The following SLC35B1 variants were observed in gnomAD, a reference collection of about 807,000 sequenced individuals.
The protein encoded by SLC35B1 is solute carrier family 35 member B1.
Under a neutral mutation model 36.6 loss-of-function variants are expected in SLC35B1, and 27 were observed. That is an observed-to-expected ratio of 0.74 (90% CI 0.54 to 1.02). The LOEUF is 1.02. SLC35B1 is among the 50% of genes least tolerant of loss of function. The pLI is 0.00. For synonymous variants in SLC35B1, 162 were observed against 152.5 expected, an observed-to-expected ratio of 1.06 and a Z score of -0.46; for missense variants, 321 against 383.2, an observed-to-expected ratio of 0.84 and a Z score of 1.35.
intron 1 of SLC35B1, chr17:49,707,346 A>T: frequency 7.0e-7 from 1 of 1,430,950 alleles, no homozygotes; most frequent in Non-Finnish European, 9.2e-7. Context: ...CAGGTACCCC[A>T]GGCAGGAGGA....
chr17:49,705,768 A>G (rs2073408164), intron 4 of SLC35B1, 98 bp downstream of exon 4: 1 of 1,170,558 alleles, frequency 8.5e-7, no homozygotes, highest in Non-Finnish European at 1.3e-6. Context: ...GACAGCCATG[A>G]TGGGATGATG....
In SLC35B1 at chr17:49,705,197, G is replaced by A; in HGVS notation, c.455C>T (p.Ala152Val). Residue 152 changes from alanine (A) to valine (V), a missense_variant, in exon 5 of 9, where the codon GCC (alanine) becomes GTC (valine). Physicochemically the swap from Ala to Val is moderately conservative, Grantham distance 64. Coordinates refer to ENST00000240333, the MANE Select transcript of SLC35B1 (RefSeq NM_005827.4). ...LCVLLIVAGV[A>V]LFMYKPKKVV... ...TTTCTTGGGTTTGTACATGAAAAGG[G>A]CCACTCCAGCCACAATTAACAGCAC... 1 of 1,614,116 alleles carries A rather than the reference G, an allele frequency of 6.2e-7. No homozygotes were observed. Among genetic ancestry groups the A allele is most frequent in the Non-Finnish European group, 8.5e-7 (1 of 1,180,016 alleles).
chr17:49,707,458 AG>A, intron 1 of SLC35B1: 1 of 1,471,794 alleles, frequency 6.8e-7, no homozygotes, highest in Non-Finnish European at 9.0e-7. Flanking sequence ...TTTGAGGAAT[AG>A]AAGTCTCAGC....
chr17:49,701,370 T>C lies in SLC35B1; in HGVS notation c.*88A>G. The C allele has an allele frequency of 9.9e-7, 1 of 1,012,456 alleles. No individual in the cohort carries two copies. The highest frequency in any genetic ancestry group is 1.3e-5 in the South Asian group (1 of 76,704). 62.7% of individuals were successfully genotyped at this position (1,012,456 alleles called of 1,614,324 possible). ...TAAAAAAGACTGGAACTCAGTCCCA[T>C]ATTCCTATTAAGTCCATTTTCCCAA... On this transcript the variant is annotated 3_prime_UTR_variant, in exon 9 of 9. Transcript: ENST00000240333.
intron 1 of SLC35B1, 149 bp from the exon 2 acceptor site, chr17:49,707,217 A>G (rs1413398722): frequency 7.3e-7 from 1 of 1,365,138 alleles, no homozygotes; most frequent in African/African-American, 1.5e-5. Context: ...GCTCATTTGC[A>G]AAAGGGGCTG....
In SLC35B1 at chr17:49,701,275, C is replaced by T; in HGVS notation, c.*183G>A. On this transcript the variant is annotated 3_prime_UTR_variant, in exon 9 of 9. Transcript: ENST00000240333. ...TGCTCCAGGGCATGAAGAACAAAAA[C>T]CACCACTCTGTCTTGTTAAAATCCA... 1.7e-6 allele frequency: 1 copy of T among 574,706 alleles called. No homozygotes were observed. Among genetic ancestry groups the T allele is most frequent in the South Asian group, 2.2e-5 (1 of 46,408 alleles). 35.6% of individuals were successfully genotyped at this position (574,706 alleles called of 1,614,324 possible).
intron 8 of SLC35B1, chr17:49,701,829 C>A: frequency 2.9e-6 from 1 of 344,964 alleles, no homozygotes; most frequent in Non-Finnish European, 5.7e-6. Context: ...GTGACTCACA[C>A]CTGCAATCCC....
chr17:49,706,190 C>T lies in SLC35B1; in HGVS notation c.339+14G>A, dbSNP rs779836392. On this transcript the variant is annotated intron_variant, in intron 3 of 8. Coordinates refer to ENST00000240333, the MANE Select transcript of SLC35B1 (RefSeq NM_005827.4). The stretch of plus-strand genomic sequence containing the variant: ...GATATCTGAGCCAACCATCATCCCA[C>T]CCTGAGGTTTCACCTGAGTTGGGTA... 3 of 1,596,022 alleles carry T rather than the reference C, an allele frequency of 1.9e-6. No homozygotes were observed. The South Asian group carries it at 3.4e-5, about 18-fold the overall frequency.
intron 3 of SLC35B1, 137 bp downstream of exon 3, chr17:49,706,066 GT>G: frequency 7.5e-7 from 1 of 1,324,958 alleles, no homozygotes; most frequent in Non-Finnish European, 1.0e-6. Context: ...AAGTTCTATG[GT>G]TCTATACACT....
intron 6 of SLC35B1, 61 bp from the exon 7 acceptor site, chr17:49,703,355 C>T (rs1262906774): frequency 5.9e-6 from 5 of 841,082 alleles, no homozygotes; most frequent in Non-Finnish European, 7.9e-6. Flanking sequence ...TGCGCACACA[C>T]ACACACACAC....
chr17:49,704,175 G>C lies in SLC35B1; in HGVS notation c.580C>G (p.Arg194Gly). The change falls in exon 6 of 9, where the codon CGG (arginine) becomes GGG (glycine). Residue 194 changes from arginine to glycine, a missense_variant. Transcript: ENST00000240333. ...GLTGVSQDHM[R>G]AHYQTGSNHM... Reference sequence around the variant, plus strand: ...TTGGAGCCTGTTTGGTAATGAGCCCGCATGTGGTCCTGGGAAACACCAGTC... The same window carrying C: ...TTGGAGCCTGTTTGGTAATGAGCCCCCATGTGGTCCTGGGAAACACCAGTC... The C allele has an allele frequency of 6.2e-7, 1 of 1,614,086 alleles. No individual in the cohort carries two copies. The highest frequency in any genetic ancestry group is 8.5e-7 in the Non-Finnish European group (1 of 1,179,988).
At chr17:49,702,679 G>A (rs1028972471) in intron 8 of SLC35B1, 179 bp downstream of exon 8, 37 of 597,736 alleles carry the variant, frequency 6.2e-5, no homozygotes, top group Admixed American at 3.1e-5. Flanking sequence ...AGGCTCACCC[G>A]ATTGGTGAGC....
chr17:49,700,960 T>C lies in SLC35B1; in HGVS notation c.*498A>G, dbSNP rs1017536428. 3.3e-5 allele frequency: 5 copies of C among 153,676 alleles called. No homozygotes were observed. Among genetic ancestry groups the C allele is most frequent in the African/African-American group, 1.2e-4 (5 of 41,434 alleles). 9.5% of individuals were successfully genotyped at this position (153,676 alleles called of 1,614,324 possible). A position where few individuals can be genotyped will look rare whatever the true frequency, so the allele number is the denominator to read the frequency against. On this transcript the variant is annotated 3_prime_UTR_variant, in exon 9 of 9. Transcript: ENST00000240333. Reference sequence around the variant, plus strand: ...ACAGAACACAACTTTGTTTTTTTAATGAAATATTTGCCCACAGGAGCTTTA... The same window carrying C: ...ACAGAACACAACTTTGTTTTTTTAACGAAATATTTGCCCACAGGAGCTTTA...
intron 1 of SLC35B1, chr17:49,707,441 GGTCCTGTTTGAGGAATAGAA>G (rs1426750194): frequency 6.8e-7 from 1 of 1,461,672 alleles, no homozygotes; most frequent in Admixed American, 2.1e-5. Context: ...GGCCGACTCG[GGTCCTGTTTGAGGAATAGAA>G]GTCTCAGCCT....
chr17:49,704,306 C>A, intron 5 of SLC35B1, 80 bp from the exon 6 acceptor site: 1 of 1,548,654 alleles, frequency 6.5e-7, no homozygotes, highest in South Asian at 1.2e-5. Context: ...TTCTCACTCT[C>A]AGGCTCCTTG....
chr17:49,706,810 A>C (rs534761598), intron 2 of SLC35B1, among the ~76,000 whole-genome samples, 155 bp downstream of exon 2: 2 of 152,372 alleles, frequency 1.3e-5, no homozygotes, highest in East Asian at 3.9e-4. Context: ...CTTCAAAGTC[A>C]TTAGTTTTAC....
At position 49,702,764 on chromosome 17, in the gene SLC35B1, T is replaced by C. The variant is rs2073366942; in HGVS notation, c.916+94A>G. 58 of 1,393,886 alleles carry C rather than the reference T, an allele frequency of 4.2e-5. No homozygotes were observed. In the South Asian group the frequency reaches 7.6e-4, roughly 18 times the overall value. The allele number at this position is 1,393,886 out of a possible 1,614,324, so 86.3% of individuals were successfully genotyped here. On this transcript the variant is annotated intron_variant, in intron 8 of 8. Transcript: ENST00000240333. ...TCCGTCTCAAAAAAAAGAGAAAAGT[T>C]TTCTCTAAAATATTTAAACAAATTT...
Position 49,705,866 on chromosome 17 carries a change from C to T in SLC35B1, c.370G>A (p.Val124Ile), listed in dbSNP as rs1479809602. The T allele has an allele frequency of 6.2e-7, 1 of 1,614,028 alleles. No individual in the cohort carries two copies. The highest frequency in any genetic ancestry group is 1.3e-5 in the African/African-American group (1 of 75,020). The change falls in exon 4 of 9, where the codon GTC becomes ATC. Residue 124 changes from valine (V) to isoleucine (I), a missense_variant and splice_region_variant. Physicochemically the swap from Val to Ile is conservative, Grantham distance 29. Transcript: ENST00000240333. ...GAGGAAGACCATCTTCTTTGCTTAC[C>T]TGGGATTGGCTTGCAGGATTTACCA... is the stretch of plus-strand genomic sequence containing the variant. ...VLGKSCKPIP[V>I]MLLGVTLLKK...
chr17:49,706,122 T>A (rs1193682348), intron 3 of SLC35B1, 82 bp downstream of exon 3: 33 of 1,239,588 alleles, frequency 2.7e-5, no homozygotes, highest in South Asian at 4.7e-5. Context: ...TTTTTTTTTT[T>A]AACTCACAGA....
Sources: gnomAD v4.1 joint callset for allele counts (sites outside exome capture counted in the v4.1 genomes callset) on GRCh38, gnomAD v4.1.1 for gene constraint, MANE v1.5 for transcripts, NCBI Gene and HGNC (gene_info 2026-07-23, HGNC 2026-07-21) for gene names.